Variants in TNKS observed in about 807,000 individuals in gnomAD.
TNKS encodes poly [ADP-ribose] polymerase tankyrase-1.
Under a neutral mutation model 135.8 loss-of-function variants are expected in TNKS, and 72 were observed. That is an observed-to-expected ratio of 0.53 (90% CI 0.44 to 0.64). The LOEUF (loss-of-function observed/expected upper bound fraction) is 0.64, where lower values mean the gene tolerates loss of function less well. TNKS is among the 30% of genes least tolerant of loss of function. TNKS has a pLI of 0.00. For missense variants in TNKS, 1,769 were observed against 1,674.0 expected, an observed-to-expected ratio of 1.06 and a Z score of -0.99; for synonymous variants, 849 against 649.3, an observed-to-expected ratio of 1.31 and a Z score of -4.68.
At chr8:9,618,341 T>C (rs1221156474) in intron 3 of TNKS, among the ~76,000 whole-genome samples, 1 of 152,206 alleles carries the variant, frequency 6.6e-6, no homozygotes, top group Non-Finnish European at 1.5e-5. Context: ...CAGTGTACCC[T>C]TAATTTTGCA....
intron 3 of TNKS, among the ~76,000 whole-genome samples, chr8:9,644,644 T>C (rs1299504676): frequency 3.9e-5 from 6 of 152,176 alleles, no homozygotes; most frequent in Non-Finnish European, 7.4e-5. Context: ...GGCATTTCTT[T>C]TGGCGTACCA....
In TNKS at chr8:9,615,674, A is replaced by G; in HGVS notation, c.991A>G (p.Thr331Ala). The change falls in exon 3 of 27, where the codon ACA becomes GCA. Residue 331 changes from threonine to alanine, a missense_variant. Thr to Ala is a moderately conservative substitution (Grantham distance 58). This residue lies in a region of TNKS where 523 missense variants were observed against 541.0 expected (regional missense o/e 0.97). Coordinates refer to ENST00000310430, the MANE Select transcript of TNKS (RefSeq NM_003747.3). ...AGATCCTTCAGCAAAAGCTGTCCTTACAGGTAAGAAGACAGAGAGCTACCG... is the reference window on the plus strand; with the variant it reads ...AGATCCTTCAGCAAAAGCTGTCCTTGCAGGTAAGAAGACAGAGAGCTACCG... The part of the protein sequence containing the change: ...LADPSAKAVL[T>A]GEYKKDELLE... 6.2e-7 allele frequency: 1 copy of G among 1,610,132 alleles called. No individual in the cohort carries two copies.
chr8:9,566,089 T>C (rs1220794113), intron 1 of TNKS, among the ~76,000 whole-genome samples: 2 of 152,134 alleles, frequency 1.3e-5, no homozygotes, highest in Admixed American at 6.5e-5. Flanking sequence ...TCATCAGTCA[T>C]GTTAATAAGA....
intron 3 of TNKS, among the ~76,000 whole-genome samples, chr8:9,634,584 C>G (rs1357605381): frequency 6.6e-6 from 1 of 152,122 alleles, no homozygotes; most frequent in Non-Finnish European, 1.5e-5. Context: ...AGCAAGGGCT[C>G]TTACTGTAGA....
chr8:9,763,442 C>G (rs985181055), intron 22 of TNKS, among the ~76,000 whole-genome samples, 198 bp downstream of exon 22: 1 of 152,094 alleles, frequency 6.6e-6, no homozygotes, highest in African/African-American at 2.4e-5. Context: ...CCTAGGTTTT[C>G]TAATGCATGG....
chr8:9,654,845 C>T (rs1341182766), intron 3 of TNKS, among the ~76,000 whole-genome samples: 1 of 152,214 alleles, frequency 6.6e-6, no homozygotes, highest in Non-Finnish European at 1.5e-5. Flanking sequence ...GCGATTTCTG[C>T]ATTTCCAACT....
At chr8:9,662,322 A>G (rs897822758) in intron 3 of TNKS, among the ~76,000 whole-genome samples, 10 of 152,232 alleles carry the variant, frequency 6.6e-5, no homozygotes, top group Admixed American at 3.9e-4. Flanking sequence ...ACTATTCACA[A>G]TAGCAAAGAC....
chr8:9,710,724 G>A (rs937613153), intron 11 of TNKS, among the ~76,000 whole-genome samples: 2 of 152,012 alleles, frequency 1.3e-5, no homozygotes, highest in South Asian at 2.1e-4. Context: ...GTGAAACCCC[G>A]TCTCTACTAA....
At chr8:9,565,942 C>G (rs933365664) in intron 1 of TNKS, among the ~76,000 whole-genome samples, 1 of 152,200 alleles carries the variant, frequency 6.6e-6, no homozygotes, top group East Asian at 1.9e-4. Flanking sequence ...TTTTTTGTGT[C>G]TACATGTATA....
intron 3 of TNKS, among the ~76,000 whole-genome samples, chr8:9,616,195 A>G (rs73539904): frequency 0.089 from 13,519 of 152,178 alleles, 631 homozygotes; most frequent in South Asian, 0.18. Flanking sequence ...GGCGTTTATT[A>G]TCTTTTTACT....
At chr8:9,736,165 G>A (rs1227833155) in intron 17 of TNKS, among the ~76,000 whole-genome samples, 2 of 150,922 alleles carry the variant, frequency 1.3e-5, no homozygotes, top group Admixed American at 1.3e-4. Flanking sequence ...TAGAAAAGCT[G>A]TGCAGCTGTT....
intron 3 of TNKS, among the ~76,000 whole-genome samples, chr8:9,646,686 A>G (rs1171349131): frequency 1.3e-5 from 2 of 152,302 alleles, no homozygotes; most frequent in East Asian, 3.9e-4. Flanking sequence ...CATACAGTGC[A>G]TGGATATTTC....
chr8:9,708,246 A>G (rs894811387), intron 8 of TNKS, 125 bp from the exon 9 acceptor site: 16 of 829,338 alleles, frequency 1.9e-5, no homozygotes, highest in Non-Finnish European at 2.8e-5. Context: ...ATATTATCAC[A>G]TTGCTGCTGT....
intron 17 of TNKS, among the ~76,000 whole-genome samples, chr8:9,738,927 A>C (rs531164516): frequency 6.6e-6 from 1 of 151,098 alleles, no homozygotes; most frequent in South Asian, 2.1e-4. Context: ...TGCTTGGTGC[A>C]GAGCTGAGTT....
At chr8:9,654,209 G>T (rs1801257575) in intron 3 of TNKS, among the ~76,000 whole-genome samples, 1 of 152,194 alleles carries the variant, frequency 6.6e-6, no homozygotes, top group Non-Finnish European at 1.5e-5. Flanking sequence ...CAATAGAGGA[G>T]AGCAATTCCC....
chr8:9,635,640 C>G (rs534764527), intron 3 of TNKS, among the ~76,000 whole-genome samples: 2 of 152,278 alleles, frequency 1.3e-5, no homozygotes, highest in East Asian at 1.9e-4. Flanking sequence ...ATTAACATCA[C>G]TAATGAGAAT....
chr8:9,574,865 G>A, intron 1 of TNKS: 1 of 172,760 alleles, frequency 5.8e-6, no homozygotes, highest in Non-Finnish European at 1.2e-5. Context: ...AAGAGAGAAA[G>A]CTCCCCCGCG....
Position 9,570,102 on chromosome 8 carries a change from G to T in TNKS, c.674-10057G>T, listed in dbSNP as rs148651669. Among the ~76,000 whole-genome samples, 264 of 152,154 alleles carry T rather than the reference G, an allele frequency of 1.7e-3. 1 individual carries two copies. The highest frequency in any genetic ancestry group is 5.9e-3 in the African/African-American group (245 of 41,500). On this transcript the variant is annotated intron_variant, in intron 1 of 26. Coordinates refer to ENST00000310430, the MANE Select transcript of TNKS (RefSeq NM_003747.3). ...TTAAGAGGTAAATATTTTAAAAATTGTTCTTTTTTAAGCAGATGCCAGGTG... is the reference window on the plus strand; with the variant it reads ...TTAAGAGGTAAATATTTTAAAAATTTTTCTTTTTTAAGCAGATGCCAGGTG...
chr8:9,630,968 A>G (rs943903381), intron 3 of TNKS, among the ~76,000 whole-genome samples: 1 of 152,322 alleles, frequency 6.6e-6, no homozygotes, highest in East Asian at 1.9e-4. Flanking sequence ...ACGAAGCAGT[A>G]CATACATTTT....
Sources: gnomAD v4.1 joint callset for allele counts (sites outside exome capture counted in the v4.1 genomes callset) on GRCh38, gnomAD v4.1.1 for gene constraint, gnomAD v4.1.1 regional missense constraint, MANE v1.5 for transcripts, NCBI Gene and HGNC (gene_info 2026-07-23, HGNC 2026-07-21) for gene names.